SLC22A12: variants seen among roughly 807,000 people sequenced by gnomAD.
SLC22A12 encodes the protein solute carrier family 22 member 12, also known as organic anion transporter 4-like protein.
SLC22A12 carries 56 observed loss-of-function variants against 52.7 expected under a neutral mutation model. The observed-to-expected ratio is 1.06, with a 90% CI of 0.86 to 1.33. The LOEUF is 1.33. Ranked by LOEUF, SLC22A12 falls within the 40% of genes most tolerant of loss-of-function variation. The pLI is 0.00. For missense variants in SLC22A12, 683 were observed against 741.5 expected, an observed-to-expected ratio of 0.92 and a Z score of 0.92; for synonymous variants, 337 against 324.6, an observed-to-expected ratio of 1.04 and a Z score of -0.41.
At chr11:64,600,597 C>A in intron 8 of SLC22A12, 122 bp downstream of exon 8, 1 of 1,401,176 alleles carries the variant, frequency 7.1e-7, no homozygotes, top group Non-Finnish European at 9.8e-7. Flanking sequence ...CTTGTGTGGT[C>A]CCCGGGGCTG....
chr11:64,595,946 GGAT>G (rs1404926259), intron 4 of SLC22A12, among the ~76,000 whole-genome samples: 2 of 129,550 alleles, frequency 1.5e-5, no homozygotes, highest in Admixed American at 7.7e-5. Context: ...ATGGATGGAT[GGAT>G]GGATGGATGG....
In SLC22A12 at chr11:64,602,328, A is replaced by C. The variant is rs958753215; in HGVS notation, c.*777A>C. On this transcript the variant is annotated 3_prime_UTR_variant, in exon 10 of 10. Coordinates refer to ENST00000377574, the MANE Select transcript of SLC22A12 (RefSeq NM_144585.4). The stretch of plus-strand genomic sequence containing the variant: ...GAGAGGCATTGGTGCGAGGGATTGA[A>C]TAAAGAAACAAATGAATGGCTGCCC... 6.5e-6 allele frequency: 1 copy of C among 152,678 alleles called. No homozygotes were observed. Among genetic ancestry groups the C allele is most frequent in the African/African-American group, 2.4e-5 (1 of 41,474 alleles). 9.5% of individuals were successfully genotyped at this position (152,678 alleles called of 1,614,324 possible).
chr11:64,594,909 A>ATGGTTGAATGGATGG (rs2039055576), intron 4 of SLC22A12, among the ~76,000 whole-genome samples: 2 of 118,542 alleles, frequency 1.7e-5, no homozygotes, highest in African/African-American at 3.3e-5. Context: ...GGATGGATGG[A>ATGGTTGAATGGATGG]ATGGATGGAT....
At chr11:64,596,245 GGAAT>G (rs1170980263) in intron 4 of SLC22A12, among the ~76,000 whole-genome samples, 5 of 62,504 alleles carry the variant, frequency 8.0e-5, no homozygotes, top group African/African-American at 2.1e-4. Context: ...ATGGATGGAT[GGAAT>G]GGATGGATGG....
Position 64,599,899 on chromosome 11 carries a change from G to A in SLC22A12, c.1285+9G>A, listed in dbSNP as rs766398770. On this transcript the variant is annotated intron_variant, in intron 7 of 9. Coordinates refer to ENST00000377574, the MANE Select transcript of SLC22A12 (RefSeq NM_144585.4). Reference sequence around the variant, plus strand: ...CACGCTGGTGCCCCACGGTGAGGGGGCAAAGCTGTACACCAGAGACTTCCC... The same window carrying A: ...CACGCTGGTGCCCCACGGTGAGGGGACAAAGCTGTACACCAGAGACTTCCC... 3.7e-6 allele frequency: 6 copies of A among 1,611,072 alleles called. No homozygotes were observed. In the African/African-American group the frequency reaches 8.0e-5, roughly 22 times the overall value.
At chr11:64,592,097 T>A (rs1414705600) in intron 1 of SLC22A12, 139 bp downstream of exon 1, 1 of 1,371,536 alleles carries the variant, frequency 7.3e-7, no homozygotes, top group African/African-American at 1.4e-5. Context: ...TCTCAGCCCC[T>A]CGTCAGCCAC....
intron 7 of SLC22A12, 47 bp downstream of exon 7, chr11:64,599,937 G>T (rs761749722): frequency 7.6e-6 from 12 of 1,579,614 alleles, no homozygotes; most frequent in Non-Finnish European, 9.5e-6. Flanking sequence ...CCTTGGGGGG[G>T]TCTCGGGCTG....
At chr11:64,592,006 G>A (rs762078775) in intron 1 of SLC22A12, 48 bp downstream of exon 1, 5 of 1,596,682 alleles carry the variant, frequency 3.1e-6, no homozygotes, top group Non-Finnish European at 4.2e-6. Context: ...TTGGAGGTCA[G>A]TCATGGATCA....
At position 64,593,570 on chromosome 11, in the gene SLC22A12, G is replaced by A. The variant is rs75786299; in HGVS notation, c.661+11G>A. On this transcript the variant is annotated intron_variant, in intron 3 of 9. Coordinates refer to ENST00000377574, the MANE Select transcript of SLC22A12 (RefSeq NM_144585.4). Reference sequence around the variant, plus strand: ...ACACGGGCACTCTCCGTAGGTCTCTGACCTGGCGCCATGCAGGGGGGCTCC... The same window carrying A: ...ACACGGGCACTCTCCGTAGGTCTCTAACCTGGCGCCATGCAGGGGGGCTCC... 2.9e-4 allele frequency: 475 copies of A among 1,614,152 alleles called. 3 individuals are homozygous for A. The East Asian group carries it at 9.9e-3, about 34-fold the overall frequency.
Position 64,600,464 on chromosome 11 carries a change from C to T in SLC22A12, c.1383C>T (p.Pro461=), listed in dbSNP as rs1554988933. The change falls in exon 8 of 10, where the codon CCC becomes CCT. Residue 461 remains proline, a synonymous_variant. Transcript: ENST00000377574. The part of the protein sequence containing the change: ...CITIYSSELF[P]TVLRMTAVGL... ...CCATCTACAGCAGCGAGCTCTTCCC[C>T]ACTGTGCTCAGGTGAGGCTGGGCCT... The T allele has an allele frequency of 6.2e-7, 1 of 1,603,094 alleles. No individual in the cohort carries two copies. The highest frequency in any genetic ancestry group is 8.5e-7 in the Non-Finnish European group (1 of 1,178,100).
At position 64,592,848 on chromosome 11, in the gene SLC22A12, G is replaced by A. The variant is rs969559031; in HGVS notation, c.472G>A (p.Val158Met). Residue 158 changes from valine (V) to methionine (M), a missense_variant, in exon 2 of 10, where the codon GTG (valine) becomes ATG (methionine). Physicochemically the swap from Val to Met is conservative, Grantham distance 21. Coordinates refer to ENST00000377574, the MANE Select transcript of SLC22A12 (RefSeq NM_144585.4). ...AQSIYLAGIL[V>M]GAAACGPASD... ...GTCCATCTACCTGGCTGGGATTCTG[G>A]TGGGAGCTGCTGCGTGCGGCCCTGC... 4.3e-6 allele frequency: 7 copies of A among 1,613,850 alleles called. No homozygotes were observed. Among genetic ancestry groups the A allele is most frequent in the Non-Finnish European group, 5.1e-6 (6 of 1,180,036 alleles).
Position 64,599,846 on chromosome 11 carries a change from T to C in SLC22A12, c.1241T>C (p.Leu414Ser), listed in dbSNP as rs750649737. The C allele has an allele frequency of 1.9e-6, 3 of 1,612,776 alleles. No individual in the cohort carries two copies. The highest frequency in any genetic ancestry group is 3.3e-5 in the Admixed American group (2 of 60,002). The change falls in exon 7 of 10, where the codon TTG (leucine) becomes TCG (serine). Residue 414 changes from leucine to serine, a missense_variant. Physicochemically the swap from Leu to Ser is moderately radical, Grantham distance 145. Coordinates refer to ENST00000377574, the MANE Select transcript of SLC22A12 (RefSeq NM_144585.4). ...GRRPTLAASL[L>S]LAGLCILANT... ...CGCCCCACGCTGGCCGCATCCCTGTTGCTGGCAGGGCTCTGCATTCTGGCC... is the reference window on the plus strand; with the variant it reads ...CGCCCCACGCTGGCCGCATCCCTGTCGCTGGCAGGGCTCTGCATTCTGGCC...
chr11:64,592,056 C>T, intron 1 of SLC22A12, 98 bp downstream of exon 1: 1 of 1,508,528 alleles, frequency 6.6e-7, no homozygotes, highest in Non-Finnish European at 8.9e-7. Context: ...GGGAGGGACC[C>T]ACCTCCCCAG....
rs778022810 is a variant in SLC22A12, at chr11:64,600,765, AGCCCGTGGAGGAGCCATCCTGGG to A, written c.1429_1451del (p.Arg477SerfsTer121). On this transcript the variant is annotated frameshift_variant, in exon 9 of 10. Coordinates refer to ENST00000377574, the MANE Select transcript of SLC22A12 (RefSeq NM_144585.4). LOFTEE classifies it high-confidence loss of function. ...CGGCAGTGGGCTTGGGCCAGATGGCAGCCCGTGGAGGAGCCATCCTGGGGCCTCTGGTCCGGCTGCTGGGTGTC... is the reference window on the plus strand; with the variant it reads ...CGGCAGTGGGCTTGGGCCAGATGGCAGCCTCTGGTCCGGCTGCTGGGTGTC... 3.5e-5 allele frequency: 56 copies of A among 1,605,268 alleles called. No homozygotes were observed. The highest frequency in any genetic ancestry group is 6.8e-6 in the Non-Finnish European group (8 of 1,179,896).
intron 2 of SLC22A12, 44 bp from the exon 3 acceptor site, chr11:64,593,361 C>T (rs374274921): frequency 2.3e-4 from 369 of 1,613,190 alleles, no homozygotes; most frequent in East Asian, 1.2e-3. Context: ...TGGCCTGTGC[C>T]GTGGCAAGCC....
intron 4 of SLC22A12, among the ~76,000 whole-genome samples, chr11:64,595,338 AATGGATGGTTGAATGG>A (rs2039119389): frequency 1.1e-4 from 2 of 18,822 alleles, no homozygotes; most frequent in African/African-American, 4.0e-4. Flanking sequence ...TGGATGGTTG[AATGGATGGTTGAATGG>A]ATGGATGGAT....
intron 4 of SLC22A12, among the ~76,000 whole-genome samples, chr11:64,596,297 T>C (rs1401814439): frequency 9.0e-6 from 1 of 111,132 alleles, no homozygotes; most frequent in Non-Finnish European, 1.9e-5. Context: ...GATGGCTGAA[T>C]GGATGGTTGA....
In SLC22A12 at chr11:64,601,761, G is replaced by T; in HGVS notation, c.*210G>T. ...TTCAATACTGAAGGGGAAAAGGACA[G>T]TTTGATTGGCAGGAGGTGACCCAGT... On this transcript the variant is annotated 3_prime_UTR_variant, in exon 10 of 10. Transcript: ENST00000377574. 1.8e-6 allele frequency: 1 copy of T among 569,386 alleles called. No individual in the cohort carries two copies. The allele number at this position is 569,386 out of a possible 1,614,324, so 35.3% of individuals were successfully genotyped here. A position where few individuals can be genotyped will look rare whatever the true frequency, so the allele number is the denominator to read the frequency against.
chr11:64,594,973 G>A (rs1326022002), intron 4 of SLC22A12, among the ~76,000 whole-genome samples: 2 of 124,028 alleles, frequency 1.6e-5, no homozygotes, highest in Non-Finnish European at 3.1e-5. Context: ...TGGAATAGAT[G>A]GATGGATGGA....
Sources: gnomAD v4.1 joint callset for allele counts (sites outside exome capture counted in the v4.1 genomes callset) on GRCh38, gnomAD v4.1.1 for gene constraint, MANE v1.5 for transcripts, NCBI Gene and HGNC (gene_info 2026-07-23, HGNC 2026-07-21) for gene names.